The following MAD1L1 variants were observed in gnomAD, a reference collection of about 807,000 sequenced individuals.
The protein encoded by MAD1L1 is mitotic spindle assembly checkpoint protein MAD1.
A neutral mutation model predicts 96.9 loss-of-function variants in MAD1L1; 95 were observed. That is an observed-to-expected ratio of 0.98 (90% confidence interval 0.83 to 1.16). The LOEUF (loss-of-function observed/expected upper bound fraction) is 1.16. Among genes scored for constraint, MAD1L1 ranks in the 50% most tolerant of loss-of-function variants. The probability of loss-of-function intolerance (pLI) is 0.00; values close to 1 mark genes in which losing one functional copy is unlikely to be tolerated. For missense variants in MAD1L1, 1,007 were observed against 954.4 expected (o/e 1.06, Z -0.73); for synonymous variants, 473 against 396.6 (o/e 1.19, Z -2.29).
At chr7:1,938,885 G>T (rs1207265646) in intron 16 of MAD1L1, among the ~76,000 whole-genome samples, 2 of 105,358 alleles carry the variant, frequency 1.9e-5, no homozygotes, top group African/African-American at 7.7e-5. Context: ...CACAGTCCAG[G>T]GCCGGGGCCA....
chr7:2,199,731 C>T (rs1333614417), intron 10 of MAD1L1, among the ~76,000 whole-genome samples: 2 of 152,256 alleles, frequency 1.3e-5, no homozygotes, highest in Non-Finnish European at 2.9e-5. Flanking sequence ...AGACCTCCAG[C>T]CTCCCAAACC....
At chr7:1,990,042 CT>C (rs1781336238) in intron 14 of MAD1L1, among the ~76,000 whole-genome samples, 1 of 152,258 alleles carries the variant, frequency 6.6e-6, no homozygotes, top group South Asian at 2.1e-4. Flanking sequence ...AGCTGGGTAA[CT>C]CCCCCCACCG....
chr7:1,912,876 T>G (rs1266145953), intron 17 of MAD1L1, among the ~76,000 whole-genome samples: 1 of 151,978 alleles, frequency 6.6e-6, no homozygotes, highest in Non-Finnish European at 1.5e-5. Context: ...AGGCCTGGGG[T>G]GGCGGCGGCG....
intron 16 of MAD1L1, among the ~76,000 whole-genome samples, chr7:1,955,213 C>T (rs986509989): frequency 1.3e-5 from 2 of 152,266 alleles, no homozygotes; most frequent in Admixed American, 6.5e-5. Context: ...TTTAATCAAT[C>T]TTCCTTGAAG....
At chr7:1,873,608 A>G (rs1785223645) in intron 18 of MAD1L1, among the ~76,000 whole-genome samples, 1 of 151,662 alleles carries the variant, frequency 6.6e-6, no homozygotes, top group South Asian at 2.1e-4. Context: ...CGGTGGATGG[A>G]GGGGTAGTGG....
At chr7:2,154,303 G>C (rs1479730514) in intron 10 of MAD1L1, among the ~76,000 whole-genome samples, 1 of 152,248 alleles carries the variant, frequency 6.6e-6, no homozygotes, top group East Asian at 1.9e-4. Flanking sequence ...AAGGCAGAGA[G>C]TAGAATGACA....
At chr7:1,856,104 G>T (rs1307019270) in intron 18 of MAD1L1, among the ~76,000 whole-genome samples, 1 of 152,144 alleles carries the variant, frequency 6.6e-6, no homozygotes, top group African/African-American at 2.4e-5. Flanking sequence ...CTCATCTTGG[G>T]CGTTAGAATT....
intron 10 of MAD1L1, among the ~76,000 whole-genome samples, chr7:2,151,891 C>T (rs778032651): frequency 9.2e-5 from 14 of 152,210 alleles, no homozygotes; most frequent in South Asian, 2.1e-4. Context: ...ATGGGGTCAA[C>T]GCCTCATTCT....
rs1584575699 is a variant in MAD1L1, at chr7:2,217,384, G to T, written c.678+578C>A. Among the ~76,000 whole-genome samples the T allele has an allele frequency of 2.0e-5, 3 of 152,226 alleles. No homozygotes were observed. The East Asian group carries it at 5.8e-4, about 29-fold the overall frequency. On this transcript the variant is annotated intron_variant, in intron 7 of 18. Transcript: ENST00000265854. Reference sequence around the variant, plus strand: ...GGGCCAGGGACCACCACCAGGAGCGGACATGGCAGAGGCCAGGCTGGGGGT... The same window carrying T: ...GGGCCAGGGACCACCACCAGGAGCGTACATGGCAGAGGCCAGGCTGGGGGT...
intron 16 of MAD1L1, among the ~76,000 whole-genome samples, chr7:1,946,256 G>A (rs1460853190): frequency 3.9e-5 from 6 of 152,216 alleles, no homozygotes; most frequent in East Asian, 1.9e-4. Flanking sequence ...GGCTCCAGGC[G>A]TGGGGAGAAG....
chr7:2,052,197 T>TCGCCACGCGCACAGCCACAGCCC (rs1784210609), intron 12 of MAD1L1, among the ~76,000 whole-genome samples: 1 of 152,030 alleles, frequency 6.6e-6, no homozygotes, highest in African/African-American at 2.4e-5. Context: ...CCTATCGTCC[T>TCGCCACGCGCACAGCCACAGCCC]CGCCACGCGC....
chr7:1,878,445 G>A (rs947182538), intron 18 of MAD1L1, among the ~76,000 whole-genome samples: 2 of 151,944 alleles, frequency 1.3e-5, no homozygotes, highest in African/African-American at 2.4e-5. Context: ...TCTATCAATT[G>A]TATAAAAAGG....
At chr7:2,085,051 G>A (rs1785840295) in intron 11 of MAD1L1, among the ~76,000 whole-genome samples, 1 of 152,208 alleles carries the variant, frequency 6.6e-6, no homozygotes, top group African/African-American at 2.4e-5. Context: ...CAGAGAGCCT[G>A]CTAAAGGGCC....
intron 11 of MAD1L1, among the ~76,000 whole-genome samples, chr7:2,136,857 G>C (rs1788778514): frequency 6.6e-6 from 1 of 152,182 alleles, no homozygotes. Flanking sequence ...AGCCGGCAGT[G>C]GCCAGCTTCA....
intron 17 of MAD1L1, among the ~76,000 whole-genome samples, chr7:1,929,634 C>T (rs1208805057): frequency 6.6e-6 from 1 of 152,056 alleles, no homozygotes; most frequent in Non-Finnish European, 1.5e-5. Context: ...GGTCTGGGGC[C>T]CACACCAGAG....
chr7:2,170,302 A>G (rs371521817), intron 10 of MAD1L1, among the ~76,000 whole-genome samples: 38 of 152,334 alleles, frequency 2.5e-4, no homozygotes, highest in African/African-American at 8.9e-4. Flanking sequence ...CTGCCACCAG[A>G]TTGGCCCCAG....
chr7:1,912,982 A>G (rs1454707962), intron 17 of MAD1L1, among the ~76,000 whole-genome samples: 1 of 152,038 alleles, frequency 6.6e-6, no homozygotes, highest in African/African-American at 2.4e-5. Flanking sequence ...GCAGAACCTC[A>G]GCTCCCCGGC....
At chr7:2,094,226 G>A (rs1199826774) in intron 11 of MAD1L1, among the ~76,000 whole-genome samples, 2 of 152,196 alleles carry the variant, frequency 1.3e-5, no homozygotes, top group Middle Eastern at 3.2e-3. Flanking sequence ...GGTCAGTGTG[G>A]AGGAGTGTGT....
intron 18 of MAD1L1, 23 bp from the exon 19 acceptor site, chr7:1,816,251 A>G (rs1781796980): frequency 6.2e-7 from 1 of 1,604,998 alleles, no homozygotes; most frequent in Admixed American, 1.7e-5. Flanking sequence ...CAAGAAAGAG[A>G]CAAGACAGCG....
Sources: gnomAD v4.1 joint callset for allele counts (sites outside exome capture counted in the v4.1 genomes callset) on GRCh38, gnomAD v4.1.1 for gene constraint, MANE v1.5 for transcripts, NCBI Gene and HGNC (gene_info 2026-07-23, HGNC 2026-07-21) for gene names.